Variants in OSBPL10 observed in about 807,000 individuals in gnomAD.
The protein encoded by OSBPL10 is oxysterol-binding protein-related protein 10.
In OSBPL10, 49 loss-of-function variants were observed where a neutral mutation model predicts 81.7. That is an observed-to-expected ratio of 0.60 (90% CI 0.48 to 0.76). The LOEUF (loss-of-function observed/expected upper bound fraction) is 0.76. OSBPL10 is among the 30% of genes least tolerant of loss of function. The pLI, the probability that OSBPL10 is intolerant of heterozygous loss-of-function variation, is 0.00. For synonymous variants in OSBPL10, 419 were observed against 383.6 expected, an observed-to-expected ratio of 1.09 and a Z score of -1.08; for missense variants, 923 against 987.8, an observed-to-expected ratio of 0.93 and a Z score of 0.88.
intron 1 of OSBPL10, among the ~76,000 whole-genome samples, chr3:31,882,851 G>A (rs933212963): frequency 1.3e-5 from 2 of 152,156 alleles, no homozygotes. Flanking sequence ...TATAGCAGCT[G>A]CTAGCCTTAC....
intron 1 of OSBPL10, among the ~76,000 whole-genome samples, chr3:31,966,030 C>T (rs1346165183): frequency 7.2e-6 from 1 of 139,804 alleles, no homozygotes. Flanking sequence ...CTCAGTCGCT[C>T]ATGCCTGTAA....
intron 8 of OSBPL10, among the ~76,000 whole-genome samples, chr3:31,675,214 A>G (rs1297487703): frequency 1.3e-5 from 2 of 152,214 alleles, no homozygotes; most frequent in African/African-American, 4.8e-5. Context: ...CATGTCTAGC[A>G]GGAAACCTCT....
intron 2 of OSBPL10, among the ~76,000 whole-genome samples, chr3:32,044,968 T>C (rs1039206574): frequency 6.6e-6 from 1 of 152,220 alleles, no homozygotes; most frequent in Non-Finnish European, 1.5e-5. Flanking sequence ...AAATGAATGC[T>C]CTACTTTGAA....
chr3:31,772,490 A>T (rs1315212848), intron 4 of OSBPL10, among the ~76,000 whole-genome samples: 1 of 152,224 alleles, frequency 6.6e-6, no homozygotes, highest in Admixed American at 6.5e-5. Flanking sequence ...CCATTTTACC[A>T]AAGAGAAAAT....
intron 1 of OSBPL10, among the ~76,000 whole-genome samples, chr3:32,067,386 C>T (rs1699788087): frequency 6.6e-6 from 1 of 152,106 alleles, no homozygotes; most frequent in Non-Finnish European, 1.5e-5. Context: ...ATAAATTCAG[C>T]TTTGTCTTTT....
At position 32,063,484 on chromosome 3, in the gene OSBPL10, G is replaced by A. The variant is rs756343174; in HGVS notation, n.185+13912C>T. Among the ~76,000 whole-genome samples the A allele has an allele frequency of 6.5e-5, 6 of 92,312 alleles. 2 individuals carry two copies. Among genetic ancestry groups the A allele is most frequent in the Non-Finnish European group, 8.7e-5 (3 of 34,560 alleles). 60.6% of individuals were successfully genotyped at this position (92,312 alleles called of 152,430 possible). A position where few individuals can be genotyped will look rare whatever the true frequency, so the allele number is the denominator to read the frequency against. ...AGACCAACACTAGGGGTGGAGGGCA[G>A]AACCTTCCTCGTCAAATTTTTAAGG... On this transcript the variant is annotated intron_variant and non_coding_transcript_variant, in intron 1 of 3. Transcript: ENST00000479173.
intron 4 of OSBPL10, among the ~76,000 whole-genome samples, chr3:31,815,924 C>T (rs1210677527): frequency 6.6e-6 from 1 of 152,170 alleles, no homozygotes; most frequent in Non-Finnish European, 1.5e-5. Context: ...GAGATAAAAA[C>T]AGGCAGAACA....
intron 3 of OSBPL10, among the ~76,000 whole-genome samples, chr3:31,865,479 G>C (rs12635293): frequency 0.074 from 11,257 of 152,164 alleles, 881 homozygotes; most frequent in African/African-American, 0.19. Context: ...AGGGAGTTTG[G>C]AATCCCTTTC....
intron 3 of OSBPL10, among the ~76,000 whole-genome samples, chr3:31,855,194 A>AG (rs779297364): frequency 7.2e-6 from 1 of 138,584 alleles, no homozygotes; most frequent in Non-Finnish European, 1.6e-5. Context: ...CTAATTTTTA[A>AG]GTTTTTTTGT....
At chr3:31,861,760 C>T (rs1381120746) in intron 3 of OSBPL10, among the ~76,000 whole-genome samples, 3 of 152,096 alleles carry the variant, frequency 2.0e-5, no homozygotes, top group South Asian at 2.1e-4. Context: ...GAACTCAGGC[C>T]GGTCTTCCTG....
chr3:32,061,894 C>T (rs1644437440), intron 1 of OSBPL10, among the ~76,000 whole-genome samples: 1 of 93,186 alleles, frequency 1.1e-5, no homozygotes, highest in African/African-American at 2.8e-5. Flanking sequence ...CTGCCTCAGT[C>T]TCCCAAAATG....
intron 11 of OSBPL10, chr3:31,663,302 CTGTTT>C (rs1187129869): frequency 3.0e-6 from 3 of 985,296 alleles, no homozygotes; most frequent in African/African-American, 3.5e-5. Context: ...ACTAGACAAT[CTGTTT>C]TATCACTGGA....
intron 4 of OSBPL10, among the ~76,000 whole-genome samples, chr3:31,770,100 C>A (rs1056858633): frequency 2.6e-5 from 4 of 152,040 alleles, no homozygotes; most frequent in African/African-American, 7.2e-5. Flanking sequence ...AATAAAAAAA[C>A]CAAAACTTGT....
At chr3:31,683,222 T>C (rs1050059639) in intron 8 of OSBPL10, among the ~76,000 whole-genome samples, 1 of 152,254 alleles carries the variant, frequency 6.6e-6, no homozygotes, top group Non-Finnish European at 1.5e-5. Flanking sequence ...GAGCAGATTT[T>C]GAATAGGCAG....
chr3:31,799,417 A>C (rs1699322252), intron 4 of OSBPL10, among the ~76,000 whole-genome samples: 1 of 151,734 alleles, frequency 6.6e-6, no homozygotes, highest in Non-Finnish European at 1.5e-5. Flanking sequence ...TGGAAGAAAG[A>C]AAGAACAAGA....
rs928726620 is a variant in OSBPL10, at chr3:31,797,183, C to T, written c.729+32857G>A. Among the ~76,000 whole-genome samples, 8 of 151,800 alleles carry T rather than the reference C, an allele frequency of 5.3e-5. 2 individuals are homozygous for T. Among genetic ancestry groups the T allele is most frequent in the Admixed American group, 1.3e-4 (2 of 15,252 alleles). ...CTAATTTTTGTATCTTTAGTAGAGACGGGTTTTACCATGTTGGGTCAGGAT... is the reference window on the plus strand; with the variant it reads ...CTAATTTTTGTATCTTTAGTAGAGATGGGTTTTACCATGTTGGGTCAGGAT... On this transcript the variant is annotated intron_variant, in intron 4 of 11. Transcript: ENST00000396556.
intron 1 of OSBPL10, among the ~76,000 whole-genome samples, chr3:31,957,207 CTT>C (rs1213645058): frequency 3.3e-5 from 5 of 152,066 alleles, no homozygotes; most frequent in Admixed American, 3.3e-4. Context: ...AAAGGCAGAA[CTT>C]TTTGTTTTTT....
intron 5 of OSBPL10, among the ~76,000 whole-genome samples, chr3:31,747,500 A>AC (rs1252174228): frequency 2.8e-4 from 43 of 151,486 alleles, no homozygotes; most frequent in Non-Finnish European, 5.8e-4. Context: ...AAAAAAAAAA[A>AC]AAAAAAAAAA....
intron 3 of OSBPL10, among the ~76,000 whole-genome samples, chr3:31,849,054 G>C (rs1445921298): frequency 1.3e-5 from 2 of 152,202 alleles, no homozygotes; most frequent in Non-Finnish European, 2.9e-5. Context: ...CACTGTGTCA[G>C]TTCCAAGCCT....
Sources: allele counts gnomAD v4.1 joint callset (sites outside exome capture counted in the v4.1 genomes callset), GRCh38; gene constraint gnomAD v4.1.1; transcripts MANE v1.5; gene names NCBI Gene and HGNC (gene_info 2026-07-23, HGNC 2026-07-21).